SLC28A1: variants seen among roughly 807,000 people sequenced by gnomAD.
SLC28A1 encodes the protein solute carrier family 28 member 1, also known as sodium/nucleoside cotransporter 1.
In SLC28A1, 64 loss-of-function variants were observed where a neutral mutation model predicts 74.8. That is an observed-to-expected ratio of 0.86 (90% CI 0.70 to 1.05). SLC28A1 has a LOEUF of 1.05. Ranked by LOEUF, SLC28A1 falls within the 50% of genes least tolerant of loss-of-function variation. The pLI is 0.00. For synonymous variants in SLC28A1, 359 were observed against 335.0 expected, an observed-to-expected ratio of 1.07 and a Z score of -0.78; for missense variants, 828 against 822.8, an observed-to-expected ratio of 1.01 and a Z score of -0.08.
At chr15:84,974,407 C>T in the SLC28A1 span, among the ~76,000 whole-genome samples, 1 of 152,358 alleles carries the variant, frequency 6.6e-6, no homozygotes, top group South Asian at 2.1e-4. Flanking sequence ...GGCAACCCAA[C>T]TTTGCCATCT....
chr15:84,939,362 A>G (rs1972367430), intron 15 of SLC28A1, among the ~76,000 whole-genome samples: 1 of 151,778 alleles, frequency 6.6e-6, no homozygotes, highest in South Asian at 2.1e-4. Context: ...GGAAAGAAGG[A>G]AGGGACAGAG....
At chr15:84,929,805 T>C (rs938508554) in intron 12 of SLC28A1, among the ~76,000 whole-genome samples, 3 of 152,170 alleles carry the variant, frequency 2.0e-5, no homozygotes, top group Admixed American at 6.5e-5. Flanking sequence ...AAGGCTATAG[T>C]GAGCCATGAT....
chr15:84,920,929 C>A, intron 10 of SLC28A1, 60 bp from the exon 11 acceptor site: 1 of 1,317,818 alleles, frequency 7.6e-7, no homozygotes, highest in Non-Finnish European at 1.1e-6. Context: ...CCACTCCAGC[C>A]CCCTCTGACT....
At chr15:84,955,759 G>A in the SLC28A1 span, among the ~76,000 whole-genome samples, 1 of 152,142 alleles carries the variant, frequency 6.6e-6, no homozygotes, top group Non-Finnish European at 1.5e-5. Flanking sequence ...TATTCTCCTG[G>A]CAGGCTCTAC....
chr15:84,973,901 T>C, the SLC28A1 span, among the ~76,000 whole-genome samples: 2 of 152,112 alleles, frequency 1.3e-5, no homozygotes, highest in African/African-American at 4.8e-5. Flanking sequence ...GCACCACCAT[T>C]AAGGTCAGAA....
In SLC28A1 at chr15:84,928,560, T is replaced by C. The variant is rs911953698; in HGVS notation, c.1083+4450T>C. 6.1e-3 allele frequency among the ~76,000 whole-genome samples: 145 copies of C among 23,922 alleles called. 1 individual carries two copies. Among genetic ancestry groups the C allele is most frequent in the East Asian group, 0.046 (16 of 346 alleles). 15.7% of individuals were successfully genotyped at this position (23,922 alleles called of 152,430 possible). ...TTTCTTTCTTTCTTTCTTTCTTTCT[T>C]TCTTTCTTTCTTTCTTTCTTTCTTT... On this transcript the variant is annotated intron_variant, in intron 12 of 18. Coordinates refer to ENST00000394573, the MANE Select transcript of SLC28A1 (RefSeq NM_004213.5).
At chr15:84,889,710 TTCCTTCCTTC>T (rs1421847758) in intron 4 of SLC28A1, among the ~76,000 whole-genome samples, 1 of 18,122 alleles carries the variant, frequency 5.5e-5, no homozygotes, top group Admixed American at 6.1e-4. Flanking sequence ...CCTTCCTTCT[TTCCTTCCTTC>T]CTTCCTTCCT....
intron 11 of SLC28A1, among the ~76,000 whole-genome samples, chr15:84,923,263 A>T (rs1480256530): frequency 3.3e-5 from 5 of 152,148 alleles, no homozygotes; most frequent in African/African-American, 4.8e-5. Flanking sequence ...ACCCCTAACC[A>T]GTAGGCATTA....
intron 6 of SLC28A1, chr15:84,896,013 C>G (rs1596223604): frequency 7.0e-6 from 6 of 855,532 alleles, no homozygotes; most frequent in South Asian, 5.4e-5. Context: ...TTTGACTTCT[C>G]TTTATTAAAT....
At chr15:84,900,170 A>T (rs537154089) in intron 6 of SLC28A1, among the ~76,000 whole-genome samples, 206 of 150,760 alleles carry the variant, frequency 1.4e-3, no homozygotes, top group African/African-American at 4.7e-3. Context: ...TATATATATA[A>T]AAAAATTAGC....
intron 5 of SLC28A1, among the ~76,000 whole-genome samples, chr15:84,893,838 C>T (rs541698159): frequency 6.6e-6 from 1 of 152,338 alleles, no homozygotes; most frequent in East Asian, 1.9e-4. Flanking sequence ...CTGGGACCTC[C>T]CTGGGACTCG....
chr15:84,943,350 G>A lies in SLC28A1; in HGVS notation c.1582-95G>A, dbSNP rs190797916. ...CTCAAAGGTCAATTACATGTAAGAA[G>A]TGGGTAAAATTAAGGCCAGGGAGCC... On this transcript the variant is annotated intron_variant, in intron 15 of 18. Coordinates refer to ENST00000394573, the MANE Select transcript of SLC28A1 (RefSeq NM_004213.5). The A allele has an allele frequency of 1.4e-5, 12 of 844,914 alleles. No homozygotes were observed. The Admixed American group carries it at 1.6e-4, about 11-fold the overall frequency. 52.3% of individuals were successfully genotyped at this position (844,914 alleles called of 1,614,324 possible).
At chr15:84,953,767 G>C in the SLC28A1 span, among the ~76,000 whole-genome samples, 4 of 152,162 alleles carry the variant, frequency 2.6e-5, no homozygotes, top group South Asian at 2.1e-4. Flanking sequence ...GAAAGTACTG[G>C]AGTTTATGAA....
At chr15:84,923,420 A>G (rs1436068560) in intron 11 of SLC28A1, among the ~76,000 whole-genome samples, 2 of 152,148 alleles carry the variant, frequency 1.3e-5, no homozygotes, top group African/African-American at 4.8e-5. Flanking sequence ...TGTCGACGCC[A>G]TGTTCCTATT....
chr15:84,896,331 G>A (rs537932843), intron 6 of SLC28A1, among the ~76,000 whole-genome samples: 1 of 152,340 alleles, frequency 6.6e-6, no homozygotes, highest in East Asian at 1.9e-4. Flanking sequence ...AAAAGCTCAT[G>A]CAAATGTGCT....
At chr15:84,918,664 A>C in intron 10 of SLC28A1, 60 bp downstream of exon 10, 5 of 1,309,202 alleles carry the variant, frequency 3.8e-6, no homozygotes, top group Non-Finnish European at 5.5e-6. Context: ...CAGGGTTCAC[A>C]CTGTCCCAGA....
the SLC28A1 span, among the ~76,000 whole-genome samples, chr15:84,962,099 G>C: frequency 1.3e-5 from 2 of 152,120 alleles, no homozygotes; most frequent in South Asian, 2.1e-4. Flanking sequence ...TTTAGAGACA[G>C]GGTCTCACTC....
At chr15:84,968,952 C>A in the SLC28A1 span, among the ~76,000 whole-genome samples, 2 of 152,196 alleles carry the variant, frequency 1.3e-5, no homozygotes, top group Non-Finnish European at 2.9e-5. Context: ...GGGGCACCCT[C>A]TGGGACACTC....
chr15:84,895,354 G>A, intron 6 of SLC28A1: 1 of 1,613,960 alleles, frequency 6.2e-7, no homozygotes, highest in Non-Finnish European at 8.5e-7. Context: ...ACGAAAACTG[G>A]ACTCAACAGT....
Sources: allele counts gnomAD v4.1 joint callset (sites outside exome capture counted in the v4.1 genomes callset), GRCh38; gene constraint gnomAD v4.1.1; transcripts MANE v1.5; gene names NCBI Gene and HGNC (gene_info 2026-07-23, HGNC 2026-07-21).